KCNH1: variants seen among roughly 807,000 people sequenced by gnomAD.
KCNH1 encodes voltage-gated delayed rectifier potassium channel KCNH1.
Under a neutral mutation model 69.2 loss-of-function variants are expected in KCNH1, and 27 were observed. The ratio of observed to expected loss-of-function variants is 0.39; its 90% CI spans 0.29 to 0.54. The LOEUF (loss-of-function observed/expected upper bound fraction) is 0.54, where lower values mean the gene tolerates loss of function less well. Ranked by LOEUF, KCNH1 falls within the 20% of genes least tolerant of loss-of-function variation. KCNH1 has a pLI of 0.68. For synonymous variants in KCNH1, 456 were observed against 487.7 expected (o/e 0.93, Z 0.86); for missense variants, 798 against 1,261.6 (o/e 0.63, Z 5.57).
chr1:211,085,443 A>G (rs1690935134), intron 4 of KCNH1, among the ~76,000 whole-genome samples: 1 of 151,998 alleles, frequency 6.6e-6, no homozygotes, highest in Non-Finnish European at 1.5e-5. Flanking sequence ...GCCAATTTGC[A>G]TTTTAAATGA....
chr1:211,021,832 G>A (rs1170129809), intron 5 of KCNH1, among the ~76,000 whole-genome samples: 2 of 151,948 alleles, frequency 1.3e-5, no homozygotes, highest in Non-Finnish European at 2.9e-5. Context: ...AGAAATTGAA[G>A]AGGACACAAA....
chr1:210,768,757 C>A (rs1683691583), intron 10 of KCNH1, among the ~76,000 whole-genome samples: 2 of 152,140 alleles, frequency 1.3e-5, no homozygotes, highest in Admixed American at 6.5e-5. Context: ...CATAGCCTGA[C>A]TACAATTTAA....
chr1:210,828,790 G>A (rs1272318676), intron 7 of KCNH1, among the ~76,000 whole-genome samples: 2 of 152,188 alleles, frequency 1.3e-5, no homozygotes, highest in African/African-American at 2.4e-5. Flanking sequence ...CTTAGGTAGA[G>A]TCCACATCTT....
At chr1:210,694,939 G>A (rs1190183212) in intron 10 of KCNH1, among the ~76,000 whole-genome samples, 2 of 152,224 alleles carry the variant, frequency 1.3e-5, no homozygotes. Context: ...CCCAGCCTGA[G>A]CTGATCTGGG....
intron 7 of KCNH1, among the ~76,000 whole-genome samples, chr1:210,915,160 AAAAGCCAGGGAAAG>A (rs1687310135): frequency 6.6e-6 from 1 of 152,192 alleles, no homozygotes; most frequent in Non-Finnish European, 1.5e-5. Context: ...GGGATTCCTC[AAAAGCCAGGGAAAG>A]GCTCAGCCAC....
chr1:210,747,161 A>G (rs1683179016), intron 10 of KCNH1, among the ~76,000 whole-genome samples: 1 of 152,184 alleles, frequency 6.6e-6, no homozygotes, highest in South Asian at 2.1e-4. Flanking sequence ...GAGAGGAATT[A>G]CCAAACTGAT....
At chr1:210,717,089 C>T (rs1332002229) in intron 10 of KCNH1, among the ~76,000 whole-genome samples, 1 of 152,144 alleles carries the variant, frequency 6.6e-6, no homozygotes, top group African/African-American at 2.4e-5. Context: ...TACAAGTAGC[C>T]CTTCTTTGCC....
chr1:211,131,680 TAGG>T (rs1331773832), intron 1 of KCNH1, among the ~76,000 whole-genome samples: 4 of 152,372 alleles, frequency 2.6e-5, no homozygotes, highest in Non-Finnish European at 5.9e-5. Context: ...GTGATATTTC[TAGG>T]AGTTCACATT....
At position 210,681,130 on chromosome 1, in the gene KCNH1, G is replaced by A. The variant is rs1464806735; in HGVS notation, c.*2151C>T. ...GGCCTGCCCTGCCTTAAAAGTGGTG[G>A]GTCCTAAACTTCAGAAGCAGGTTGA... On this transcript the variant is annotated 3_prime_UTR_variant, in exon 11 of 11. Transcript: ENST00000271751. 6.6e-6 allele frequency: 1 copy of A among 152,006 alleles called. No individual in the cohort carries two copies. The highest frequency in any genetic ancestry group is 6.6e-5 in the Admixed American group (1 of 15,250). The allele number at this position is 152,006 out of a possible 1,614,324, so 9.4% of individuals were successfully genotyped here.
chr1:210,970,659 A>C (rs974185917), intron 6 of KCNH1, among the ~76,000 whole-genome samples: 1 of 152,220 alleles, frequency 6.6e-6, no homozygotes, highest in East Asian at 1.9e-4. Context: ...TAAAGACTTA[A>C]ATGTAAAACC....
At chr1:210,945,738 A>G (rs1687947826) in intron 6 of KCNH1, among the ~76,000 whole-genome samples, 1 of 152,118 alleles carries the variant, frequency 6.6e-6, no homozygotes, top group African/African-American at 2.4e-5. Context: ...GTACCCTTCC[A>G]CCGCAGGGCC....
intron 10 of KCNH1, among the ~76,000 whole-genome samples, chr1:210,766,038 G>A (rs1173923383): frequency 1.3e-5 from 2 of 152,086 alleles, no homozygotes; most frequent in East Asian, 1.9e-4. Flanking sequence ...ACCCCAGCCT[G>A]GGCAACAGAG....
chr1:210,728,419 A>C lies in KCNH1; in HGVS notation c.2113-44281T>G, dbSNP rs965920395. On this transcript the variant is annotated intron_variant, in intron 10 of 10. Coordinates refer to ENST00000271751, the MANE Select transcript of KCNH1 (RefSeq NM_172362.3). ...CACAGTAGGACAGGTGATAAAAAGG[A>C]TGGAGTAATGAACAAATGAAGACCA... is the stretch of plus-strand genomic sequence containing the variant. Among the ~76,000 whole-genome samples the C allele has an allele frequency of 9.8e-5, 15 of 152,368 alleles. No homozygotes were observed. The East Asian group carries it at 2.9e-3, about 29-fold the overall frequency.
At chr1:210,823,966 TG>T (rs200831767) in intron 7 of KCNH1, among the ~76,000 whole-genome samples, 92,274 of 150,260 alleles carry the variant, frequency 0.61, 28,188 homozygotes, top group East Asian at 0.76. Context: ...CTTTTTTACT[TG>T]TTGTTGTTGT....
intron 5 of KCNH1, among the ~76,000 whole-genome samples, chr1:211,020,520 G>T (rs1409143759): frequency 6.6e-6 from 1 of 151,318 alleles, no homozygotes; most frequent in African/African-American, 2.4e-5. Flanking sequence ...ACAAAGAAAA[G>T]CCCAGGACCA....
intron 7 of KCNH1, among the ~76,000 whole-genome samples, chr1:210,849,451 C>T (rs1685636217): frequency 2.0e-5 from 3 of 150,904 alleles, no homozygotes; most frequent in South Asian, 4.2e-4. Context: ...ACTGCAACCT[C>T]CACCTCCCGG....
chr1:210,871,663 C>A (rs1686251043), intron 7 of KCNH1, among the ~76,000 whole-genome samples: 1 of 151,788 alleles, frequency 6.6e-6, no homozygotes, highest in South Asian at 2.1e-4. Context: ...AAATGTCCAA[C>A]AAAGATAGAC....
intron 6 of KCNH1, among the ~76,000 whole-genome samples, chr1:210,922,017 C>T (rs17017053): frequency 0.057 from 8,733 of 152,048 alleles, 835 homozygotes; most frequent in African/African-American, 0.2. Flanking sequence ...ATAGACCATA[C>T]ATCAGGTTGC....
intron 4 of KCNH1, among the ~76,000 whole-genome samples, chr1:211,084,125 T>TG (rs1225385147): frequency 1.2e-4 from 18 of 152,220 alleles, no homozygotes; most frequent in East Asian, 1.9e-4. Context: ...GGTTTCACTG[T>TG]GGGGGGGTCC....
Sources: gnomAD v4.1 joint callset for allele counts (sites outside exome capture counted in the v4.1 genomes callset) on GRCh38, gnomAD v4.1.1 for gene constraint, MANE v1.5 for transcripts, NCBI Gene and HGNC (gene_info 2026-07-23, HGNC 2026-07-21) for gene names.